The following LIMA1 variants were observed in gnomAD, a reference collection of about 807,000 sequenced individuals.
LIMA1 encodes the protein LIM domain and actin binding 1.
Under a neutral mutation model 62.6 loss-of-function variants are expected in LIMA1, and 52 were observed. The ratio of observed to expected loss-of-function variants is 0.83; its 90% CI spans 0.67 to 1.05. The LOEUF is 1.05. Among genes scored for constraint, LIMA1 ranks in the 50% least tolerant of loss-of-function variants. The pLI is 0.00. For missense variants in LIMA1, 780 were observed against 902.2 expected, an observed-to-expected ratio of 0.86 and a Z score of 1.74; for synonymous variants, 302 against 317.8, an observed-to-expected ratio of 0.95 and a Z score of 0.53.
chr12:50,261,254 G>A (rs569860847), intron 1 of LIMA1, among the ~76,000 whole-genome samples: 3 of 151,248 alleles, frequency 2.0e-5, no homozygotes, highest in African/African-American at 2.4e-5. Flanking sequence ...GGGTTTCACC[G>A]TGTTAGCCAG....
chr12:50,266,931 G>GA (rs1942145885), intron 1 of LIMA1, among the ~76,000 whole-genome samples: 1 of 152,008 alleles, frequency 6.6e-6, no homozygotes, highest in South Asian at 2.1e-4. Context: ...GTCTCACTCT[G>GA]TCACCCAGGC....
intron 1 of LIMA1, among the ~76,000 whole-genome samples, chr12:50,271,664 T>C (rs112483109): frequency 1.0e-3 from 159 of 152,340 alleles, no homozygotes; most frequent in Non-Finnish European, 1.9e-3. Context: ...AATTTACAAT[T>C]GACCAAGACC....
At chr12:50,225,229 CATT>C (rs989280036) in intron 3 of LIMA1, among the ~76,000 whole-genome samples, 3 of 151,930 alleles carry the variant, frequency 2.0e-5, no homozygotes, top group African/African-American at 7.3e-5. Flanking sequence ...ATGTTCATAA[CATT>C]ATCTTATTTT....
rs1003186031 is a variant in LIMA1 at position 50,231,750 on chromosome 12, T to C, written c.120-40A>G. 2.7e-5 allele frequency: 43 copies of C among 1,580,716 alleles called. 1 individual carries two copies. Among genetic ancestry groups the C allele is most frequent in the Admixed American group, 1.7e-5 (1 of 59,148 alleles). ...AGGAAAGAATGTCTCAAATTAAACT[T>C]ATATTTTTACTCTTTCAATTTTTTA... On this transcript the variant is annotated intron_variant, in intron 2 of 10. Coordinates refer to ENST00000341247, the MANE Select transcript of LIMA1 (RefSeq NM_016357.5).
At chr12:50,178,299 C>T (rs1337794958) in intron 10 of LIMA1, among the ~76,000 whole-genome samples, 2 of 152,074 alleles carry the variant, frequency 1.3e-5, no homozygotes, top group African/African-American at 4.8e-5. Flanking sequence ...GTAATCCCAG[C>T]GCTTTGGGAG....
intron 2 of LIMA1, among the ~76,000 whole-genome samples, chr12:50,240,700 A>G (rs371585085): frequency 6.6e-6 from 1 of 152,166 alleles, no homozygotes; most frequent in African/African-American, 2.4e-5. Context: ...ATTTGGTGGT[A>G]GCAGTGATGA....
At chr12:50,188,635 G>A (rs1310357915) in intron 9 of LIMA1, 1 of 152,218 alleles carries the variant, frequency 6.6e-6, no homozygotes, top group African/African-American at 2.4e-5. Context: ...GTAGGCATGG[G>A]TCTGAGGCAG....
chr12:50,182,313 C>T (rs1399698745), intron 9 of LIMA1: 3 of 231,502 alleles, frequency 1.3e-5, no homozygotes, highest in South Asian at 1.3e-4. Flanking sequence ...AGACAAGTCA[C>T]GACCCACATA....
intron 2 of LIMA1, among the ~76,000 whole-genome samples, chr12:50,242,119 CAG>C (rs1941787179): frequency 6.6e-6 from 1 of 151,362 alleles, no homozygotes; most frequent in Non-Finnish European, 1.5e-5. Context: ...GGCCAGAAAA[CAG>C]AGTTCCTGAG....
At chr12:50,221,375 T>G (rs935986678) in intron 4 of LIMA1, among the ~76,000 whole-genome samples, 1 of 152,178 alleles carries the variant, frequency 6.6e-6, no homozygotes, top group African/African-American at 2.4e-5. Context: ...AGTAATTCCC[T>G]CTGGGGACGA....
At position 50,204,534 on chromosome 12, in the gene LIMA1, A is replaced by G. The variant is rs1255305001; in HGVS notation, c.864+18T>C. 8.1e-6 allele frequency: 13 copies of G among 1,598,034 alleles called. No homozygotes were observed. Among genetic ancestry groups the G allele is most frequent in the African/African-American group, 2.7e-5 (2 of 74,602 alleles). ...GATGATGGAATGAATGAATGAATGA[A>G]TGATGCAGAACACATACTGTATAGT... On this transcript the variant is annotated intron_variant, in intron 6 of 10. Coordinates refer to ENST00000341247, the MANE Select transcript of LIMA1 (RefSeq NM_016357.5).
At chr12:50,181,137 G>A (rs61928262) in intron 10 of LIMA1, among the ~76,000 whole-genome samples, 1 of 145,772 alleles carries the variant, frequency 6.9e-6, no homozygotes, top group Non-Finnish European at 1.5e-5. Flanking sequence ...AAAAAAAGGT[G>A]CTTTGGAGAA....
chr12:50,247,920 C>T (rs1382499892), intron 2 of LIMA1, among the ~76,000 whole-genome samples: 2 of 152,088 alleles, frequency 1.3e-5, no homozygotes, highest in African/African-American at 2.4e-5. Context: ...TGAGCCACCG[C>T]GCCTGACCGG....
At chr12:50,259,776 G>A (rs1942042307) in intron 1 of LIMA1, among the ~76,000 whole-genome samples, 1 of 152,146 alleles carries the variant, frequency 6.6e-6, no homozygotes, top group African/African-American at 2.4e-5. Flanking sequence ...TAGCACAATT[G>A]TAACATTGAC....
chr12:50,195,751 C>A, intron 8 of LIMA1, 79 bp downstream of exon 8: 2 of 1,366,332 alleles, frequency 1.5e-6, no homozygotes, highest in South Asian at 1.3e-5. Context: ...TCAGCACTGA[C>A]AGTAATGGGA....
intron 9 of LIMA1, among the ~76,000 whole-genome samples, chr12:50,192,118 A>G (rs540326306): frequency 4.6e-5 from 7 of 151,140 alleles, no homozygotes; most frequent in Non-Finnish European, 8.8e-5. Flanking sequence ...CCTGGGTGAC[A>G]GAGCGAGATT....
At chr12:50,218,157 A>C (rs185759870) in intron 4 of LIMA1, 13 of 152,492 alleles carry the variant, frequency 8.5e-5, no homozygotes, top group African/African-American at 3.1e-4. Flanking sequence ...CGCCCGCCTC[A>C]GCCTCCCAAA....
At chr12:50,180,797 G>A (rs893459318) in intron 10 of LIMA1, among the ~76,000 whole-genome samples, 1 of 151,918 alleles carries the variant, frequency 6.6e-6, no homozygotes, top group Non-Finnish European at 1.5e-5. Context: ...GGTATAAAAC[G>A]GCAGCACTTC....
In LIMA1 at chr12:50,248,815, G is replaced by A. The variant is rs1941888074; in HGVS notation, c.-23-41C>T. 5 of 1,016,738 alleles carry A rather than the reference G, an allele frequency of 4.9e-6. No individual in the cohort carries two copies. In the East Asian group the frequency reaches 1.2e-4, roughly 24 times the overall value. The allele number at this position is 1,016,738 out of a possible 1,614,324, so 63.0% of individuals were successfully genotyped here. On this transcript the variant is annotated intron_variant, in intron 1 of 10. Transcript: ENST00000341247. ...AGTCAGAACATTAGACACAGAAGAG[G>A]ATTCTCCAACATCCAAGGATTGGCA... is the stretch of plus-strand genomic sequence containing the variant.
Sources: gnomAD v4.1 joint callset for allele counts (sites outside exome capture counted in the v4.1 genomes callset) on GRCh38, gnomAD v4.1.1 for gene constraint, MANE v1.5 for transcripts, NCBI Gene and HGNC (gene_info 2026-07-23, HGNC 2026-07-21) for gene names.